Variants in CDH13 observed in about 807,000 individuals in gnomAD.
CDH13 encodes cadherin 13.
In CDH13, 24 loss-of-function variants were observed where a neutral mutation model predicts 63.8. The ratio of observed to expected loss-of-function variants is 0.38; its 90% confidence interval spans 0.27 to 0.53. The LOEUF (loss-of-function observed/expected upper bound fraction) is 0.53. Among genes scored for constraint, CDH13 ranks in the 20% least tolerant of loss-of-function variants. The pLI, the probability that CDH13 is intolerant of heterozygous loss-of-function variation, is 0.85. For synonymous variants in CDH13, 503 were observed against 355.3 expected (o/e 1.42, Z -4.67); for missense variants, 1,049 against 903.1 (o/e 1.16, Z -2.07).
At chr16:83,296,722 T>C (rs974401346) in intron 5 of CDH13, among the ~76,000 whole-genome samples, 1 of 152,174 alleles carries the variant, frequency 6.6e-6, no homozygotes, top group South Asian at 2.1e-4. Context: ...TGGTGAACTT[T>C]TGCCAATCTC....
chr16:83,036,694 C>T (rs939136988), intron 3 of CDH13, among the ~76,000 whole-genome samples: 2 of 152,152 alleles, frequency 1.3e-5, no homozygotes, highest in African/African-American at 4.8e-5. Context: ...TCCCACTCTG[C>T]ATCCCTCTCC....
chr16:83,799,470 G>T lies in CDH13; in HGVS notation c.*4440G>T, dbSNP rs535055934. The T allele has an allele frequency of 6.6e-6, 1 of 152,192 alleles. No individual in the cohort carries two copies. The highest frequency in any genetic ancestry group is 1.9e-4 in the East Asian group (1 of 5,178). 9.4% of individuals were successfully genotyped at this position (152,192 alleles called of 1,614,324 possible). A position where few individuals can be genotyped will look rare whatever the true frequency, so the allele number is the denominator to read the frequency against. Reference sequence around the variant, plus strand: ...TCATTCAAAGGGGCAAATTCTAAAGGATCTCTAAGTAGTTGCTGATTTTGT... The same window carrying T: ...TCATTCAAAGGGGCAAATTCTAAAGTATCTCTAAGTAGTTGCTGATTTTGT... On this transcript the variant is annotated 3_prime_UTR_variant, in exon 14 of 14. Coordinates refer to ENST00000567109, the MANE Select transcript of CDH13 (RefSeq NM_001257.5).
rs79739619 is a variant in CDH13 at position 83,125,550 on chromosome 16, T to C, written c.483+49T>C. The stretch of plus-strand genomic sequence containing the variant: ...ACAAAAACATGTTTTTATGAAAAGA[T>C]GAGCACAGCAGACTGAGTATGACTG... On this transcript the variant is annotated intron_variant, in intron 4 of 13. Coordinates refer to ENST00000567109, the MANE Select transcript of CDH13 (RefSeq NM_001257.5). 21,995 of 992,648 alleles carry C rather than the reference T, an allele frequency of 0.022. 1,763 individuals carry two copies. The highest frequency in any genetic ancestry group is 0.21 in the African/African-American group (13,035 of 63,160). 61.5% of individuals were successfully genotyped at this position (992,648 alleles called of 1,614,324 possible).
chr16:83,371,154 A>G (rs765980091), intron 6 of CDH13, among the ~76,000 whole-genome samples: 110 of 152,374 alleles, frequency 7.2e-4, no homozygotes, highest in African/African-American at 2.6e-3. Context: ...TAAAACTACC[A>G]TTCAACCTAG....
chr16:82,736,748 A>T (rs1221049424), intron 1 of CDH13, among the ~76,000 whole-genome samples: 1 of 152,030 alleles, frequency 6.6e-6, no homozygotes, highest in Non-Finnish European at 1.5e-5. Flanking sequence ...CTTAGGATAC[A>T]CTCACTCTCT....
At chr16:83,368,156 T>C (rs972271164) in intron 6 of CDH13, among the ~76,000 whole-genome samples, 10 of 152,248 alleles carry the variant, frequency 6.6e-5, no homozygotes, top group Non-Finnish European at 1.3e-4. Flanking sequence ...TCTTTTAACA[T>C]AGACATTATT....
At chr16:83,245,493 T>C (rs1285268027) in intron 5 of CDH13, among the ~76,000 whole-genome samples, 1 of 152,218 alleles carries the variant, frequency 6.6e-6, no homozygotes, top group Admixed American at 6.5e-5. Flanking sequence ...ACTGGCCTCC[T>C]TTGGAAAGTA....
chr16:82,659,861 C>G (rs373120032), intron 1 of CDH13, among the ~76,000 whole-genome samples: 47 of 152,252 alleles, frequency 3.1e-4, no homozygotes, highest in African/African-American at 1.1e-3. Flanking sequence ...CCTCTACCCA[C>G]TAGAGGCCAT....
chr16:83,758,481 G>A (rs980359037), intron 11 of CDH13, among the ~76,000 whole-genome samples: 2 of 152,156 alleles, frequency 1.3e-5, no homozygotes, highest in East Asian at 1.9e-4. Flanking sequence ...AACAGAAGGA[G>A]CTGCTGCTAC....
At chr16:83,716,912 A>T (rs1448339907) in intron 10 of CDH13, 1 of 151,998 alleles carries the variant, frequency 6.6e-6, no homozygotes, top group Non-Finnish European at 1.5e-5. Context: ...ACTCTTTAAG[A>T]CCCTCTTTGA....
At chr16:83,045,634 T>TAAAAAAAA (rs71382861) in intron 3 of CDH13, among the ~76,000 whole-genome samples, 32 of 107,908 alleles carry the variant, frequency 3.0e-4, no homozygotes, top group East Asian at 5.0e-4. Context: ...AAGATTCCTT[T>TAAAAAAAA]AAAAAAAAAA....
rs530543771 is a variant in CDH13, at chr16:83,252,248, T to C, written c.636+34751T>C. Among the ~76,000 whole-genome samples, 51 of 145,480 alleles carry C rather than the reference T, an allele frequency of 3.5e-4. No individual in the cohort carries two copies. In the East Asian group the frequency reaches 9.5e-3, roughly 27 times the overall value. ...ACTGGCATTTTTTAGATTCTCTTGA[T>C]GTGTTTGCTACATCTTTTTTTTCTT... On this transcript the variant is annotated intron_variant, in intron 5 of 13. Transcript: ENST00000567109.
intron 6 of CDH13, among the ~76,000 whole-genome samples, chr16:83,356,336 A>G (rs990097239): frequency 3.0e-4 from 46 of 150,906 alleles, no homozygotes; most frequent in Non-Finnish European, 1.0e-4. Context: ...TTGCCAGGTA[A>G]CTCCACGCAG....
chr16:83,768,342 C>T (rs1266141375), intron 11 of CDH13, among the ~76,000 whole-genome samples: 2 of 151,918 alleles, frequency 1.3e-5, no homozygotes, highest in Non-Finnish European at 2.9e-5. Context: ...AAATAAAATC[C>T]CTGAAATTTA....
intron 7 of CDH13, among the ~76,000 whole-genome samples, chr16:83,507,971 G>A (rs2074442022): frequency 1.3e-5 from 2 of 151,276 alleles, no homozygotes; most frequent in South Asian, 4.2e-4. Context: ...GGCAGAGGGT[G>A]CAGTGAGCCG....
At chr16:83,205,980 A>G (rs2151771915) in intron 4 of CDH13, among the ~76,000 whole-genome samples, 1 of 152,248 alleles carries the variant, frequency 6.6e-6, no homozygotes. Context: ...AGGTTGGGAT[A>G]TATTATTAAC....
At chr16:83,431,881 C>G (rs1337782550) in intron 6 of CDH13, among the ~76,000 whole-genome samples, 1 of 152,178 alleles carries the variant, frequency 6.6e-6, no homozygotes, top group Non-Finnish European at 1.5e-5. Context: ...GGTCACAGAT[C>G]CAAACCATAT....
intron 1 of CDH13, among the ~76,000 whole-genome samples, chr16:82,659,388 A>G (rs545854430): frequency 2.0e-3 from 306 of 152,354 alleles, no homozygotes; most frequent in Non-Finnish European, 3.1e-3. Flanking sequence ...TAGCAGGAGC[A>G]AGGCTACGGA....
At chr16:82,881,505 G>T (rs137881227) in intron 2 of CDH13, among the ~76,000 whole-genome samples, 1 of 152,112 alleles carries the variant, frequency 6.6e-6, no homozygotes, top group Admixed American at 6.5e-5. Context: ...TTTTGGATGT[G>T]GGCTGTGGGA....
Sources: allele counts gnomAD v4.1 joint callset (sites outside exome capture counted in the v4.1 genomes callset), GRCh38; gene constraint gnomAD v4.1.1; transcripts MANE v1.5; gene names NCBI Gene and HGNC (gene_info 2026-07-23, HGNC 2026-07-21).